TCAIM: variants seen among roughly 807,000 people sequenced by gnomAD.
TCAIM encodes the protein T-cell activation inhibitor, mitochondrial.
In TCAIM, 36 loss-of-function variants were observed where a neutral mutation model predicts 58.6. The observed-to-expected ratio is 0.61, with a 90% confidence interval of 0.47 to 0.81. The LOEUF (loss-of-function observed/expected upper bound fraction) is 0.81. TCAIM is among the 30% of genes least tolerant of loss of function. The probability of loss-of-function intolerance (pLI) is 0.00; values close to 1 mark genes in which losing one functional copy is unlikely to be tolerated. For missense variants in TCAIM, 466 were observed against 579.6 expected (o/e 0.80, Z 2.01); for synonymous variants, 172 against 193.6 (o/e 0.89, Z 0.93).
intron 5 of TCAIM, among the ~76,000 whole-genome samples, chr3:44,380,411 A>G (rs1205643141): frequency 3.3e-5 from 5 of 152,172 alleles, no homozygotes; most frequent in African/African-American, 9.6e-5. Flanking sequence ...ATGATTAACA[A>G]TTTTGAGCAA....
chr3:44,372,004 AAGAG>A (rs1173930871), intron 5 of TCAIM, among the ~76,000 whole-genome samples: 2 of 139,888 alleles, frequency 1.4e-5, no homozygotes, highest in African/African-American at 2.9e-5. Context: ...GAGAGAGAGA[AAGAG>A]AGAAGGAAGG....
intron 10 of TCAIM, among the ~76,000 whole-genome samples, chr3:44,402,051 A>G (rs1702029425): frequency 6.6e-6 from 1 of 152,096 alleles, no homozygotes; most frequent in Admixed American, 6.6e-5. Context: ...CGTTTTAACT[A>G]TTGATATAAA....
chr3:44,394,836 G>T (rs6772705), intron 6 of TCAIM, among the ~76,000 whole-genome samples: 20,769 of 136,166 alleles, frequency 0.15, 1,565 homozygotes, highest in Admixed American at 0.18. Context: ...AGAGGTTGCA[G>T]TGAGCCGAGA....
rs1700813074 is a variant in TCAIM, at chr3:44,339,639, T to G, written c.-45+805T>G. On this transcript the variant is annotated intron_variant, in intron 1 of 10. Transcript: ENST00000342649. ...AGTAGATTAAAGTAGTCATTTACAA[T>G]GGTTTGTAAATAAATTTTATCCTTC... is the stretch of plus-strand genomic sequence containing the variant. The G allele has an allele frequency of 2.0e-5, 3 of 152,194 alleles. No individual in the cohort carries two copies. In the South Asian group the frequency reaches 6.2e-4, roughly 31 times the overall value. The allele number at this position is 152,194 out of a possible 1,614,324, so 9.4% of individuals were successfully genotyped here. A position where few individuals can be genotyped will look rare whatever the true frequency, so the allele number is the denominator to read the frequency against.
chr3:44,401,976 T>G (rs1394027724), intron 10 of TCAIM, among the ~76,000 whole-genome samples: 1 of 151,990 alleles, frequency 6.6e-6, no homozygotes, highest in East Asian at 1.9e-4. Context: ...GAGGTTGCAG[T>G]GAGCCGAGAT....
At chr3:44,402,826 A>C (rs1407273282) in intron 10 of TCAIM, among the ~76,000 whole-genome samples, 1 of 152,056 alleles carries the variant, frequency 6.6e-6, no homozygotes, top group African/African-American at 2.4e-5. Flanking sequence ...CCACATGTCC[A>C]TGGAGGGAAG....
At chr3:44,364,304 C>T (rs1701337681) in intron 4 of TCAIM, among the ~76,000 whole-genome samples, 1 of 150,842 alleles carries the variant, frequency 6.6e-6, no homozygotes, top group Non-Finnish European at 1.5e-5. Flanking sequence ...AAAGATATAG[C>T]ATATATGACA....
At chr3:44,392,024 A>G (rs1026390643) in intron 5 of TCAIM, among the ~76,000 whole-genome samples, 9 of 152,230 alleles carry the variant, frequency 5.9e-5, no homozygotes, top group African/African-American at 2.2e-4. Context: ...CATCAGTGAA[A>G]ATCCAGTATA....
chr3:44,389,722 A>C (rs1240381363), intron 5 of TCAIM, among the ~76,000 whole-genome samples: 7 of 149,896 alleles, frequency 4.7e-5, no homozygotes, highest in African/African-American at 1.7e-4. Flanking sequence ...AAGGATTATT[A>C]ATTGCTATGC....
chr3:44,395,844 G>A (rs776522845), intron 6 of TCAIM, among the ~76,000 whole-genome samples: 1 of 152,158 alleles, frequency 6.6e-6, no homozygotes, highest in South Asian at 2.1e-4. Flanking sequence ...TTAAGTAGCC[G>A]GCCATGGTGG....
In TCAIM at chr3:44,400,777, G is replaced by A. The variant is rs375438014; in HGVS notation, c.1118+190G>A. The A allele has an allele frequency of 1.2e-4, 70 of 599,002 alleles. No individual in the cohort carries two copies. In the East Asian group the frequency reaches 1.6e-3, roughly 14 times the overall value. The allele number at this position is 599,002 out of a possible 1,614,324, so 37.1% of individuals were successfully genotyped here. A position where few individuals can be genotyped will look rare whatever the true frequency, so the allele number is the denominator to read the frequency against. On this transcript the variant is annotated intron_variant, in intron 9 of 10. Coordinates refer to ENST00000342649, the MANE Select transcript of TCAIM (RefSeq NM_173826.4). ...GCATGGGAGGATTGAAGGATTTAATGTCTAGAACATTCTTTGAATATATTG... is the reference window on the plus strand; with the variant it reads ...GCATGGGAGGATTGAAGGATTTAATATCTAGAACATTCTTTGAATATATTG...
chr3:44,383,935 G>T (rs574410739), intron 5 of TCAIM, among the ~76,000 whole-genome samples: 1 of 151,812 alleles, frequency 6.6e-6, no homozygotes, highest in Non-Finnish European at 1.5e-5. Context: ...AAAAAATAAG[G>T]TTAGGAAAAA....
chr3:44,400,918 G>A, intron 9 of TCAIM: 1 of 482,902 alleles, frequency 2.1e-6, no homozygotes, highest in East Asian at 3.9e-5. Flanking sequence ...CACTGTGCTG[G>A]GTACTTATAT....
At chr3:44,340,420 G>A (rs1320875160) in intron 1 of TCAIM, 1 of 152,174 alleles carries the variant, frequency 6.6e-6, no homozygotes, top group Non-Finnish European at 1.5e-5. Flanking sequence ...TTGTGAAGCG[G>A]CAGGCAGCCA....
At chr3:44,345,211 G>A (rs1700941632) in intron 1 of TCAIM, among the ~76,000 whole-genome samples, 1 of 152,132 alleles carries the variant, frequency 6.6e-6, no homozygotes, top group Non-Finnish European at 1.5e-5. Flanking sequence ...TGTGGTAAGA[G>A]GTGATATTGT....
intron 9 of TCAIM, 90 bp downstream of exon 9, chr3:44,400,677 G>C (rs971810195): frequency 1.8e-6 from 2 of 1,123,162 alleles, no homozygotes; most frequent in African/African-American, 3.2e-5. Context: ...TATTTCAATG[G>C]GTAGTTCTTA....
chr3:44,350,185 A>G (rs945629554), intron 1 of TCAIM, among the ~76,000 whole-genome samples: 7 of 152,122 alleles, frequency 4.6e-5, no homozygotes, highest in Admixed American at 3.9e-4. Context: ...GTAGTGAAAA[A>G]TTACAGTCAA....
intron 3 of TCAIM, among the ~76,000 whole-genome samples, chr3:44,361,095 A>T (rs1378507131): frequency 6.6e-6 from 1 of 152,202 alleles, no homozygotes. Context: ...GGCATTTTCT[A>T]CATTTAGGTT....
intron 10 of TCAIM, among the ~76,000 whole-genome samples, chr3:44,402,875 G>C (rs1380986650): frequency 2.0e-5 from 3 of 152,046 alleles, no homozygotes; most frequent in African/African-American, 7.2e-5. Context: ...GATGGAACCT[G>C]GTTGTTTAGC....
Sources: allele counts gnomAD v4.1 joint callset (sites outside exome capture counted in the v4.1 genomes callset), GRCh38; gene constraint gnomAD v4.1.1; transcripts MANE v1.5; gene names NCBI Gene and HGNC (gene_info 2026-07-23, HGNC 2026-07-21).